The following ANO1 variants were observed in gnomAD, a reference collection of about 807,000 sequenced individuals.
ANO1 encodes the protein anoctamin-1.
In ANO1, 59 loss-of-function variants were observed where a neutral mutation model predicts 124.0. The ratio of observed to expected loss-of-function variants is 0.48; its 90% confidence interval spans 0.39 to 0.59. The LOEUF is 0.59. ANO1 is among the 20% of genes least tolerant of loss of function. ANO1 has a pLI of 0.00. For synonymous variants in ANO1, 529 were observed against 532.0 expected, an observed-to-expected ratio of 0.99 and a Z score of 0.08; for missense variants, 1,059 against 1,328.0, an observed-to-expected ratio of 0.80 and a Z score of 3.15.
At position 70,095,427 on chromosome 11, in the gene ANO1, A is replaced by AAAAGAAAGAAAG. The variant is rs1465646549; in HGVS notation, c.441+7350_441+7351insGAAAGAAAGAAA. On this transcript the variant is annotated intron_variant, in intron 2 of 25. Transcript: ENST00000355303. The stretch of plus-strand genomic sequence containing the variant: ...GAAAGAAAGAAAGAAAGAAAGAAAG[A>AAAAGAAAGAAAG]AAAGAAAAGAAAGAAAGAGGGAAAG... 6.8e-4 allele frequency among the ~76,000 whole-genome samples: 21 copies of AAAAGAAAGAAAG among 30,660 alleles called. 3 individuals carry two copies. The highest frequency in any genetic ancestry group is 1.5e-3 in the Non-Finnish European group (20 of 13,198). 20.1% of individuals were successfully genotyped at this position (30,660 alleles called of 152,430 possible).
At chr11:69,994,309 T>C (rs1217187006) in intron 1 of ANO1, among the ~76,000 whole-genome samples, 1 of 152,158 alleles carries the variant, frequency 6.6e-6, no homozygotes, top group Non-Finnish European at 1.5e-5. Context: ...GCTGATCTAT[T>C]ATTGAAAGGT....
rs142100530 is a variant in ANO1 at position 70,068,518 on chromosome 11, G to A, written c.59-10024G>A. 4.0e-3 allele frequency among the ~76,000 whole-genome samples: 612 copies of A among 152,298 alleles called. 7 individuals are homozygous for A. The highest frequency in any genetic ancestry group is 0.013 in the African/African-American group (533 of 41,550). ...GTTGTCAGATAACAGATGCGGGGAA[G>A]CAGTGGAAGGGGCTGGGAGTGGGGC... On this transcript the variant is annotated intron_variant, in intron 1 of 27. Transcript: ENST00000531349.
At chr11:70,011,039 A>G (rs113886490) in intron 1 of ANO1, among the ~76,000 whole-genome samples, 6,742 of 152,324 alleles carry the variant, frequency 0.044, 495 homozygotes, top group African/African-American at 0.15. Flanking sequence ...GGATGTGCCC[A>G]GTGCCATGAT....
rs940580579 is a variant in ANO1, at chr11:70,099,009, G to A, written c.442-4057G>A. On this transcript the variant is annotated intron_variant, in intron 2 of 25. Transcript: ENST00000355303. ...CACTGCACTAAGGTCAGCATCTTCT[G>A]CCCCCTCTGGTTGGGGGCTGTCTGG... 3.9e-5 allele frequency among the ~76,000 whole-genome samples: 6 copies of A among 152,266 alleles called. No individual in the cohort carries two copies. The South Asian group carries it at 1.2e-3, about 32-fold the overall frequency.
intron 1 of ANO1, among the ~76,000 whole-genome samples, chr11:69,988,030 G>A (rs779113153): frequency 1.8e-4 from 28 of 152,146 alleles, no homozygotes; most frequent in South Asian, 4.1e-4. Context: ...ACCCCAGGAC[G>A]GGTGTCCCAG....
In ANO1 at chr11:70,092,308, G is replaced by T. The variant is rs541375659; in HGVS notation, c.441+4224G>T. On this transcript the variant is annotated intron_variant, in intron 2 of 25. Transcript: ENST00000355303. Reference sequence around the variant, plus strand: ...AGTGAGATCACATTGATAAGTGCCAGGAGTTAGGACTTGAACATATCTTTG... The same window carrying T: ...AGTGAGATCACATTGATAAGTGCCATGAGTTAGGACTTGAACATATCTTTG... Among the ~76,000 whole-genome samples, 9 of 152,346 alleles carry T rather than the reference G, an allele frequency of 5.9e-5. No homozygotes were observed. The East Asian group carries it at 1.7e-3, about 29-fold the overall frequency.
intron 1 of ANO1, among the ~76,000 whole-genome samples, chr11:70,012,122 C>A (rs1856607720): frequency 6.6e-6 from 1 of 152,156 alleles, no homozygotes; most frequent in Non-Finnish European, 1.5e-5. Context: ...ATTTGTCCAT[C>A]TATTCACTCA....
the ANO1 span, among the ~76,000 whole-genome samples, chr11:69,969,519 C>T: frequency 6.6e-6 from 1 of 152,290 alleles, no homozygotes; most frequent in Non-Finnish European, 1.5e-5. Flanking sequence ...CTGGCTACTG[C>T]CCCCGTCTCT....
rs141659470 is a variant in ANO1, at chr11:70,088,615, A to T, written c.441+531A>T. Among the ~76,000 whole-genome samples the T allele has an allele frequency of 2.6e-3, 389 of 152,182 alleles. 2 individuals are homozygous for T. Among genetic ancestry groups the T allele is most frequent in the Non-Finnish European group, 2.5e-3 (172 of 68,014 alleles). On this transcript the variant is annotated intron_variant, in intron 2 of 25. Coordinates refer to ENST00000355303, the MANE Select transcript of ANO1 (RefSeq NM_018043.7). ...TTTTGAACAGAGTTAGGGAGCCCTG[A>T]CCTGCTCCTCTGGCCATGTCTGCTC... is the stretch of plus-strand genomic sequence containing the variant.
intron 1 of ANO1, among the ~76,000 whole-genome samples, chr11:70,049,062 C>T (rs1175319075): frequency 6.6e-6 from 1 of 152,170 alleles, no homozygotes; most frequent in Non-Finnish European, 1.5e-5. Context: ...ATGCTGGCCC[C>T]TGATTGCTTT....
chr11:70,041,414 G>T (rs1312436434), intron 1 of ANO1, among the ~76,000 whole-genome samples: 1 of 152,222 alleles, frequency 6.6e-6, no homozygotes, highest in Non-Finnish European at 1.5e-5. Context: ...GGAATATTGA[G>T]ATTGGAGATT....
At chr11:69,977,276 G>A in the ANO1 span, among the ~76,000 whole-genome samples, 4 of 152,236 alleles carry the variant, frequency 2.6e-5, no homozygotes, top group Admixed American at 1.3e-4. Flanking sequence ...TCCATCCCCA[G>A]TGGTCCCAGC....
intron 2 of ANO1, among the ~76,000 whole-genome samples, chr11:70,093,897 T>C: frequency 6.6e-6 from 1 of 152,038 alleles, no homozygotes; most frequent in East Asian, 1.9e-4. Context: ...GCCCAGCCCC[T>C]CTGAGAGCCC....
At chr11:70,142,079 G>A (rs1354004747) in intron 11 of ANO1, among the ~76,000 whole-genome samples, 1 of 152,196 alleles carries the variant, frequency 6.6e-6, no homozygotes, top group Non-Finnish European at 1.5e-5. Flanking sequence ...TCTGACATTT[G>A]AAAGCCTCAA....
chr11:69,978,124 G>A, the ANO1 span, among the ~76,000 whole-genome samples: 1 of 152,138 alleles, frequency 6.6e-6, no homozygotes, highest in East Asian at 1.9e-4. Context: ...GGGGACAAAC[G>A]CTGCTCCCTG....
chr11:70,065,663 C>T (rs546532670), intron 1 of ANO1, among the ~76,000 whole-genome samples: 7 of 149,714 alleles, frequency 4.7e-5, no homozygotes, highest in Non-Finnish European at 7.4e-5. Flanking sequence ...CCCTCCCAAC[C>T]TCCTCTCTGC....
chr11:70,108,640 G>A (rs78268055), intron 6 of ANO1, among the ~76,000 whole-genome samples: 89 of 152,308 alleles, frequency 5.8e-4, no homozygotes, highest in African/African-American at 5.8e-4. Context: ...GTTTGTGAGC[G>A]TGTGGACAGG....
intron 1 of ANO1, among the ~76,000 whole-genome samples, chr11:70,057,360 T>C (rs188301810): frequency 2.1e-4 from 32 of 152,286 alleles, no homozygotes; most frequent in African/African-American, 6.7e-4. Context: ...AGCAGGTCTT[T>C]TTCTGAGTTC....
At chr11:70,117,865 GC>G (rs2046052036) in intron 8 of ANO1, among the ~76,000 whole-genome samples, 1 of 152,116 alleles carries the variant, frequency 6.6e-6, no homozygotes, top group South Asian at 2.1e-4. Flanking sequence ...GATACAACTT[GC>G]CCGCCTGGGA....
Sources: gnomAD v4.1 joint callset for allele counts (sites outside exome capture counted in the v4.1 genomes callset) on GRCh38, gnomAD v4.1.1 for gene constraint, MANE v1.5 for transcripts, NCBI Gene and HGNC (gene_info 2026-07-23, HGNC 2026-07-21) for gene names.